KALRN: variants seen among roughly 807,000 people sequenced by gnomAD.
KALRN encodes kalirin.
KALRN carries 70 observed loss-of-function variants against 353.7 expected under a neutral mutation model. The ratio of observed to expected loss-of-function variants is 0.20; its 90% confidence interval spans 0.16 to 0.24. KALRN has a LOEUF of 0.24. Ranked by LOEUF, KALRN falls within the 10% of genes least tolerant of loss-of-function variation. The pLI is 1.00. For missense variants in KALRN, 2,791 were observed against 3,756.7 expected (o/e 0.74, Z 6.72); for synonymous variants, 1,391 against 1,434.8 (o/e 0.97, Z 0.69).
At chr3:124,284,519 G>A (rs1366195258) in intron 5 of KALRN, among the ~76,000 whole-genome samples, 1 of 152,170 alleles carries the variant, frequency 6.6e-6, no homozygotes, top group Non-Finnish European at 1.5e-5. Context: ...TCTCTGCCAA[G>A]TTGGACCAAG....
intron 1 of KALRN, among the ~76,000 whole-genome samples, chr3:124,224,700 A>C (rs952850343): frequency 2.6e-5 from 4 of 152,228 alleles, no homozygotes; most frequent in Admixed American, 2.6e-4. Context: ...CAAATGGGCC[A>C]GGAAGCCAGT....
chr3:124,441,431 G>C (rs1359036722), intron 18 of KALRN, among the ~76,000 whole-genome samples: 2 of 152,144 alleles, frequency 1.3e-5, no homozygotes, highest in African/African-American at 2.4e-5. Flanking sequence ...GCTCAGAAGG[G>C]TGAGCTCCAT....
At chr3:124,234,803 C>T in intron 2 of KALRN, 26 bp from the exon 3 acceptor site, 1 of 1,531,540 alleles carries the variant, frequency 6.5e-7, no homozygotes, top group Non-Finnish European at 8.9e-7. Context: ...TTTTCTTAAA[C>T]ACTCTTCTCT....
intron 1 of KALRN, among the ~76,000 whole-genome samples, chr3:124,185,249 C>G (rs1320194106): frequency 6.6e-6 from 1 of 152,198 alleles, no homozygotes; most frequent in Non-Finnish European, 1.5e-5. Flanking sequence ...CTCCTGAGCA[C>G]AAACCATCTG....
intron 1 of KALRN, among the ~76,000 whole-genome samples, chr3:124,104,541 G>A (rs978808397): frequency 3.3e-5 from 5 of 152,164 alleles, no homozygotes; most frequent in Admixed American, 6.5e-5. Flanking sequence ...ACAGATTGGG[G>A]CTACCTTGTG....
chr3:124,697,587 C>G lies in KALRN; in HGVS notation c.7700-6C>G. 1.9e-6 allele frequency: 3 copies of G among 1,598,942 alleles called. No individual in the cohort carries two copies. Among genetic ancestry groups the G allele is most frequent in the Non-Finnish European group, 2.6e-6 (3 of 1,174,902 alleles). On this transcript the variant is annotated splice_polypyrimidine_tract_variant and splice_region_variant and intron_variant, in intron 54 of 59. Coordinates refer to ENST00000682506, the MANE Select transcript of KALRN (RefSeq NM_001388419.1). ...TAGCACCTGATCCTGATTTCTGTCT[C>G]CATAGGTGTTCCAGCAGCCCCTAAC...
At chr3:124,384,311 C>T (rs2087863208) in intron 10 of KALRN, among the ~76,000 whole-genome samples, 1 of 152,194 alleles carries the variant, frequency 6.6e-6, no homozygotes, top group Non-Finnish European at 1.5e-5. Flanking sequence ...TGGCCGCTGC[C>T]TTCTGTCAGC....
At chr3:124,581,265 C>T (rs13068534) in intron 34 of KALRN, among the ~76,000 whole-genome samples, 25,315 of 151,734 alleles carry the variant, frequency 0.17, 2,258 homozygotes, top group Middle Eastern at 0.2. Flanking sequence ...TGGTGGTGCA[C>T]GTCTGTATTC....
intron 5 of KALRN, among the ~76,000 whole-genome samples, chr3:124,287,789 A>G (rs1240101414): frequency 7.7e-5 from 1 of 13,062 alleles, no homozygotes; most frequent in Non-Finnish European, 1.9e-4. Context: ...ATATATATAT[A>G]TATATATATA....
At chr3:124,486,591 C>T (rs1484675577) in intron 28 of KALRN, among the ~76,000 whole-genome samples, 2 of 152,062 alleles carry the variant, frequency 1.3e-5, no homozygotes, top group African/African-American at 2.4e-5. Context: ...TTGGATTTTT[C>T]GATCAAACCC....
chr3:124,071,733 AC>A (rs1267461651), intron 1 of KALRN, among the ~76,000 whole-genome samples: 2 of 152,044 alleles, frequency 1.3e-5, no homozygotes, highest in Non-Finnish European at 2.9e-5. Context: ...CTTCTTGAAG[AC>A]CCCACCTCTT....
chr3:124,066,266 T>G (rs2042354292), intron 1 of KALRN, among the ~76,000 whole-genome samples: 1 of 152,068 alleles, frequency 6.6e-6, no homozygotes, highest in Admixed American at 6.6e-5. Context: ...AAGAGGGGTG[T>G]GGAGAAAAGA....
chr3:124,523,190 A>C (rs1014951173), intron 33 of KALRN, among the ~76,000 whole-genome samples: 8 of 152,118 alleles, frequency 5.3e-5, no homozygotes, highest in African/African-American at 1.9e-4. Flanking sequence ...TCTTACTCCT[A>C]TTCCATTTTT....
At chr3:124,423,364 T>C (rs1206707244) in intron 15 of KALRN, among the ~76,000 whole-genome samples, 1 of 152,258 alleles carries the variant, frequency 6.6e-6, no homozygotes, top group Non-Finnish European at 1.5e-5. Context: ...TTTGGGGCAC[T>C]GTGTGCCTGA....
At chr3:124,295,526 GA>G (rs1306856769) in intron 5 of KALRN, among the ~76,000 whole-genome samples, 1 of 152,266 alleles carries the variant, frequency 6.6e-6, no homozygotes, top group East Asian at 1.9e-4. Context: ...CTCTGTGGTT[GA>G]GGGATCTGGT....
chr3:124,523,176 G>A (rs896064340), intron 33 of KALRN, among the ~76,000 whole-genome samples: 2 of 152,168 alleles, frequency 1.3e-5, no homozygotes, highest in Non-Finnish European at 1.5e-5. Flanking sequence ...GAGACTCCCA[G>A]ATCTCTTACT....
intron 37 of KALRN, among the ~76,000 whole-genome samples, chr3:124,646,780 C>T (rs987843395): frequency 2.6e-5 from 4 of 151,202 alleles, no homozygotes; most frequent in East Asian, 1.9e-4. Context: ...GGAAAAATGA[C>T]GAGTATAAAC....
At chr3:124,471,966 C>CAAAAAAAA (rs34537933) in intron 25 of KALRN, among the ~76,000 whole-genome samples, 1 of 110,838 alleles carries the variant, frequency 9.0e-6, no homozygotes, top group South Asian at 2.9e-4. Flanking sequence ...GACTCCGTCT[C>CAAAAAAAA]AAAAAAAAAA....
At chr3:124,667,897 C>T (rs562994223) in intron 47 of KALRN, among the ~76,000 whole-genome samples, 6 of 152,044 alleles carry the variant, frequency 3.9e-5, no homozygotes, top group African/African-American at 1.4e-4. Context: ...AAGGGGTATG[C>T]GATTTTAAGC....
Sources: allele counts gnomAD v4.1 joint callset (sites outside exome capture counted in the v4.1 genomes callset), GRCh38; gene constraint gnomAD v4.1.1; transcripts MANE v1.5; gene names NCBI Gene and HGNC (gene_info 2026-07-23, HGNC 2026-07-21).